Variants in MAP2 observed in about 807,000 individuals in gnomAD.
MAP2 encodes the protein microtubule-associated protein 2.
Under a neutral mutation model 137.6 loss-of-function variants are expected in MAP2, and 14 were observed. The observed-to-expected ratio is 0.10, with a 90% CI of 0.07 to 0.16. The LOEUF is 0.16. Among genes scored for constraint, MAP2 ranks in the 10% least tolerant of loss-of-function variants. The probability of loss-of-function intolerance (pLI) is 1.00; values close to 1 mark genes in which losing one functional copy is unlikely to be tolerated. For missense variants in MAP2, 2,088 were observed against 2,191.5 expected, an observed-to-expected ratio of 0.95 and a Z score of 0.94; for synonymous variants, 786 against 782.3, an observed-to-expected ratio of 1.00 and a Z score of -0.08.
chr2:209,586,057 G>T (rs12475254), intron 3 of MAP2, among the ~76,000 whole-genome samples: 7,470 of 152,032 alleles, frequency 0.049, 230 homozygotes, highest in Middle Eastern at 0.068. Flanking sequence ...TAGTCAAATC[G>T]TGGAGACACA....
rs763546836 is a variant in MAP2, at chr2:209,693,310, A to G, written c.1140A>G (p.Ala380=). ...EPHEAKPDKM[A]EAPPSEAMTL... is the part of the protein sequence containing the mutation. The stretch of plus-strand genomic sequence containing the variant: ...ATGAGGCTAAACCTGACAAAATGGC[A>G]GAAGCACCACCCTCAGAGGCAATGA... Residue 380 remains alanine (A), a synonymous_variant, in exon 8 of 16, where the codon GCA becomes GCG. Transcript: ENST00000682079. The G allele has an allele frequency of 6.2e-7, 1 of 1,614,000 alleles. No individual in the cohort carries two copies. The highest frequency in any genetic ancestry group is 1.1e-5 in the South Asian group (1 of 91,038).
chr2:209,494,516 C>T (rs1367962120), intron 1 of MAP2, among the ~76,000 whole-genome samples: 6 of 151,494 alleles, frequency 4.0e-5, no homozygotes, highest in Non-Finnish European at 8.8e-5. Flanking sequence ...TGCTATAGTC[C>T]TACCAGCGCC....
At chr2:209,454,176 A>G (rs13035694) in intron 1 of MAP2, among the ~76,000 whole-genome samples, 18,469 of 132,200 alleles carry the variant, frequency 0.14, 3,530 homozygotes, top group African/African-American at 0.43. Flanking sequence ...AAAAAAAAAA[A>G]GTAGAGGACA....
chr2:209,598,417 A>C (rs567269708), intron 3 of MAP2, among the ~76,000 whole-genome samples: 141 of 151,494 alleles, frequency 9.3e-4, no homozygotes, highest in African/African-American at 2.7e-3. Context: ...AAATTTATTT[A>C]TTTTATTTAT....
intron 6 of MAP2, 29 bp from the exon 7 acceptor site, chr2:209,680,721 A>G (rs981042938): frequency 2.5e-6 from 4 of 1,582,072 alleles, no homozygotes; most frequent in Non-Finnish European, 2.6e-6. Context: ...TAATTATTGC[A>G]TCTCATTTTT....
chr2:209,639,210 A>G (rs1480859087), intron 4 of MAP2, among the ~76,000 whole-genome samples: 1 of 152,128 alleles, frequency 6.6e-6, no homozygotes, highest in South Asian at 2.1e-4. Context: ...TCTGGACATC[A>G]TATGTGACTG....
At chr2:209,508,251 C>A (rs2061307478) in intron 2 of MAP2, among the ~76,000 whole-genome samples, 1 of 150,430 alleles carries the variant, frequency 6.6e-6, no homozygotes, top group African/African-American at 2.4e-5. Flanking sequence ...TTTATGCCTT[C>A]TATTTTTTTT....
chr2:209,478,847 T>A (rs1184469430), intron 1 of MAP2, among the ~76,000 whole-genome samples: 1 of 152,236 alleles, frequency 6.6e-6, no homozygotes, highest in Non-Finnish European at 1.5e-5. Flanking sequence ...AAATTGCCCG[T>A]ATTTTCATCA....
At chr2:209,468,612 G>T (rs183692818) in intron 1 of MAP2, among the ~76,000 whole-genome samples, 1 of 152,016 alleles carries the variant, frequency 6.6e-6, no homozygotes, top group African/African-American at 2.4e-5. Flanking sequence ...GAGCCACCGC[G>T]CCCGGCCTCA....
In MAP2 at chr2:209,696,249, C is replaced by A; in HGVS notation, c.4079C>A (p.Ala1360Glu). The change falls in exon 8 of 16, where the codon GCA (alanine) becomes GAA (glutamate). Residue 1360 changes from alanine (A) to glutamate (E), a missense_variant. This residue lies in a region of MAP2 where 591 missense variants were observed against 642.6 expected (regional missense o/e 0.92). Coordinates refer to ENST00000682079, the MANE Select transcript of MAP2 (RefSeq NM_001375505.1). ...GCTTCCCCTGAGAGAGAAGAGGTTGCACTTTCTGAATATAAGACAGAAACC... is the reference window on the plus strand; with the variant it reads ...GCTTCCCCTGAGAGAGAAGAGGTTGAACTTTCTGAATATAAGACAGAAACC... ...APASPEREEVALSEYKTETYD... is the reference protein window; with the variant it reads ...APASPEREEVELSEYKTETYD... 2 of 1,613,204 alleles carry A rather than the reference C, an allele frequency of 1.2e-6. No individual in the cohort carries two copies. The highest frequency in any genetic ancestry group is 1.7e-6 in the Non-Finnish European group (2 of 1,179,736).
intron 5 of MAP2, among the ~76,000 whole-genome samples, chr2:209,676,591 T>C (rs1284590517): frequency 6.6e-6 from 1 of 151,178 alleles, no homozygotes; most frequent in Non-Finnish European, 1.5e-5. Flanking sequence ...AAACCTTATA[T>C]AGTGTGGGAG....
rs569029888 is a variant in MAP2 at position 209,459,147 on chromosome 2, A to C, written c.-222+34871A>C. Among the ~76,000 whole-genome samples, 3 of 152,294 alleles carry C rather than the reference A, an allele frequency of 2.0e-5. No homozygotes were observed. In the South Asian group the frequency reaches 6.2e-4, roughly 32 times the overall value. Reference sequence around the variant, plus strand: ...AGTGTACTAATTAAGAGAATGAGTTATGTAGTCCAACTGCTTGTGTTTAAA... The same window carrying C: ...AGTGTACTAATTAAGAGAATGAGTTCTGTAGTCCAACTGCTTGTGTTTAAA... On this transcript the variant is annotated intron_variant, in intron 1 of 15. Coordinates refer to ENST00000682079, the MANE Select transcript of MAP2 (RefSeq NM_001375505.1).
intron 5 of MAP2, among the ~76,000 whole-genome samples, chr2:209,668,952 A>T (rs954003640): frequency 6.6e-6 from 1 of 152,054 alleles, no homozygotes; most frequent in Non-Finnish European, 1.5e-5. Context: ...TGATTATCTG[A>T]TTATATATTC....
chr2:209,650,576 T>G (rs1286041423), intron 4 of MAP2, among the ~76,000 whole-genome samples: 1 of 152,174 alleles, frequency 6.6e-6, no homozygotes, highest in Non-Finnish European at 1.5e-5. Context: ...ACATGAGGAC[T>G]AAATATAATA....
At chr2:209,493,663 C>G (rs1025125157) in intron 1 of MAP2, among the ~76,000 whole-genome samples, 2 of 152,078 alleles carry the variant, frequency 1.3e-5, no homozygotes, top group Non-Finnish European at 2.9e-5. Context: ...ATTTATGTGG[C>G]CAACAAACAT....
chr2:209,626,298 C>T (rs1347827333), intron 4 of MAP2, among the ~76,000 whole-genome samples: 1 of 152,000 alleles, frequency 6.6e-6, no homozygotes, highest in Admixed American at 6.6e-5. Context: ...ACCTGTAATC[C>T]CAGCTACTGG....
At chr2:209,715,145 A>AT (rs1314590489) in intron 13 of MAP2, among the ~76,000 whole-genome samples, 6 of 152,054 alleles carry the variant, frequency 3.9e-5, no homozygotes, top group African/African-American at 1.4e-4. Context: ...ATTTTATCAT[A>AT]TTTTTTGTTT....
At chr2:209,541,054 G>A (rs1299573940) in intron 2 of MAP2, among the ~76,000 whole-genome samples, 1 of 150,928 alleles carries the variant, frequency 6.6e-6, no homozygotes, top group Non-Finnish European at 1.5e-5. Flanking sequence ...TTTTTGAGAC[G>A]GAGTCTTATT....
At chr2:209,443,746 T>A (rs1434800105) in intron 1 of MAP2, among the ~76,000 whole-genome samples, 2 of 151,582 alleles carry the variant, frequency 1.3e-5, no homozygotes, top group African/African-American at 4.8e-5. Flanking sequence ...GCACACATCA[T>A]TGGAGTTGAG....
Sources: gnomAD v4.1 joint callset for allele counts (sites outside exome capture counted in the v4.1 genomes callset) on GRCh38, gnomAD v4.1.1 for gene constraint, gnomAD v4.1.1 regional missense constraint, MANE v1.5 for transcripts, NCBI Gene and HGNC (gene_info 2026-07-23, HGNC 2026-07-21) for gene names.